STAU1: variants seen among roughly 807,000 people sequenced by gnomAD.
The protein encoded by STAU1 is double-stranded RNA-binding protein Staufen homolog 1.
A neutral mutation model predicts 62.9 loss-of-function variants in STAU1; 13 were observed. That is an observed-to-expected ratio of 0.21 (90% CI 0.13 to 0.33). The LOEUF (loss-of-function observed/expected upper bound fraction) is 0.33. Ranked by LOEUF, STAU1 falls within the 10% of genes least tolerant of loss-of-function variation. STAU1 has a pLI of 1.00. For synonymous variants in STAU1, 269 were observed against 265.1 expected, an observed-to-expected ratio of 1.01 and a Z score of -0.14; for missense variants, 571 against 712.1, an observed-to-expected ratio of 0.80 and a Z score of 2.25.
intron 2 of STAU1, among the ~76,000 whole-genome samples, chr20:49,172,164 A>C (rs893153857): frequency 1.3e-5 from 2 of 152,190 alleles, no homozygotes; most frequent in African/African-American, 4.8e-5. Flanking sequence ...CAAATGTAAC[A>C]GTTGGGAGGT....
chr20:49,160,321 A>C (rs934281729), intron 3 of STAU1, among the ~76,000 whole-genome samples: 1 of 152,214 alleles, frequency 6.6e-6, no homozygotes, highest in South Asian at 2.1e-4. Flanking sequence ...GATTTTATTC[A>C]AGGCTTGAGG....
intron 1 of STAU1, among the ~76,000 whole-genome samples, chr20:49,180,459 G>A (rs759587017): frequency 3.3e-5 from 5 of 152,120 alleles, no homozygotes; most frequent in Non-Finnish European, 7.3e-5. Context: ...GGGTAGCTGG[G>A]ATTACAGGCA....
intron 3 of STAU1, among the ~76,000 whole-genome samples, chr20:49,160,804 C>G (rs187154210): frequency 2.6e-5 from 4 of 152,274 alleles, no homozygotes; most frequent in African/African-American, 9.6e-5. Flanking sequence ...ATTGCATCTT[C>G]AAACCTTTTG....
At chr20:49,124,260 G>T in intron 7 of STAU1, 115 bp downstream of exon 7, 1 of 1,042,938 alleles carries the variant, frequency 9.6e-7, no homozygotes, top group Non-Finnish European at 1.4e-6. Flanking sequence ...GGCAGGCCTG[G>T]GGTGTGGCAC....
intron 1 of STAU1, among the ~76,000 whole-genome samples, chr20:49,183,280 C>T (rs1035268566): frequency 1.1e-4 from 16 of 152,200 alleles, no homozygotes; most frequent in African/African-American, 3.9e-4. Context: ...AACTCCAAAG[C>T]TCTTATTTGA....
Position 49,119,985 on chromosome 20 carries a change from C to A in STAU1, c.1110G>T (p.Glu370Asp). The A allele has an allele frequency of 6.2e-7, 1 of 1,613,930 alleles. No homozygotes were observed. Among genetic ancestry groups the A allele is most frequent in the Admixed American group, 1.7e-5 (1 of 60,006 alleles). ...TCAGAGAGCCCACAGCACTCACCTT[C>A]TCCTCTGACTTGAGTGCGGGTTTGG... ...QPTKPALKSE[E>D]KTPIKKPGDG... is the part of the protein sequence containing the mutation. The change falls in exon 9 of 14, where the codon GAG becomes GAT. Residue 370 changes from glutamate (E) to aspartate (D), a missense_variant. This residue lies in a region of STAU1 where 414 missense variants were observed against 499.6 expected (regional missense o/e 0.83). Coordinates refer to ENST00000371856, the MANE Select transcript of STAU1 (RefSeq NM_017453.4).
chr20:49,143,066 A>G (rs1455907899), intron 5 of STAU1, among the ~76,000 whole-genome samples: 1 of 152,064 alleles, frequency 6.6e-6, no homozygotes, highest in Non-Finnish European at 1.5e-5. Context: ...CTCCCAAAGT[A>G]CTGGAATTAT....
chr20:49,124,305 A>G, intron 7 of STAU1, 70 bp downstream of exon 7: 3 of 1,520,452 alleles, frequency 2.0e-6, no homozygotes, highest in Non-Finnish European at 2.7e-6. Flanking sequence ...GGGGACAGCG[A>G]CCAGCCTTCT....
At chr20:49,173,834 T>A (rs2093627098) in intron 2 of STAU1, among the ~76,000 whole-genome samples, 1 of 152,212 alleles carries the variant, frequency 6.6e-6, no homozygotes, top group Admixed American at 6.5e-5. Context: ...TCTATGAGTT[T>A]GAAAATCATG....
At chr20:49,151,451 T>C in intron 5 of STAU1, 131 bp downstream of exon 5, 1 of 931,484 alleles carries the variant, frequency 1.1e-6, no homozygotes, top group Non-Finnish European at 1.5e-6. Flanking sequence ...GCATAAAATC[T>C]TGGAGGCATT....
At chr20:49,184,165 A>G (rs1313763679) in intron 1 of STAU1, among the ~76,000 whole-genome samples, 1 of 152,108 alleles carries the variant, frequency 6.6e-6, no homozygotes, top group African/African-American at 2.4e-5. Context: ...TCCTGACCTC[A>G]GGTGATCTGC....
rs2093525538 is a variant in STAU1, at chr20:49,166,289, AAAGTTGTAAGGGAAAG to A, written c.-84-20_-84-5del. ...GCTATGAAGTCTAAAGTTCTACCTA[AAAGTTGTAAGGGAAAG>A]AAAATAAAAAGGTAAATTATAGAGG... On this transcript the variant is annotated splice_polypyrimidine_tract_variant and splice_region_variant and intron_variant, in intron 2 of 13. Coordinates refer to ENST00000371856, the MANE Select transcript of STAU1 (RefSeq NM_017453.4). The A allele has an allele frequency of 8.3e-7, 1 of 1,210,448 alleles. No individual in the cohort carries two copies. The highest frequency in any genetic ancestry group is 2.2e-5 in the Admixed American group (1 of 44,860). The allele number at this position is 1,210,448 out of a possible 1,614,324, so 75.0% of individuals were successfully genotyped here.
At chr20:49,156,151 C>A (rs925663948) in intron 3 of STAU1, among the ~76,000 whole-genome samples, 2 of 152,282 alleles carry the variant, frequency 1.3e-5, no homozygotes, top group East Asian at 3.9e-4. Context: ...TTCTGACCAA[C>A]AAAATTACAA....
At chr20:49,121,023 G>C (rs2092453502) in intron 8 of STAU1, among the ~76,000 whole-genome samples, 1 of 151,968 alleles carries the variant, frequency 6.6e-6, no homozygotes, top group Non-Finnish European at 1.5e-5. Flanking sequence ...TCGAACCCCT[G>C]ACCTCAAGTG....
At chr20:49,140,184 A>C (rs1461546336) in intron 5 of STAU1, among the ~76,000 whole-genome samples, 1 of 152,176 alleles carries the variant, frequency 6.6e-6, no homozygotes, top group African/African-American at 2.4e-5. Flanking sequence ...CTCAAAAAAA[A>C]AAAAAGTAAG....
intron 6 of STAU1, among the ~76,000 whole-genome samples, chr20:49,126,868 G>A (rs1164774559): frequency 6.6e-6 from 1 of 150,620 alleles, no homozygotes; most frequent in East Asian, 1.9e-4. Context: ...GAGCGGGGTG[G>A]GGGGAAGAAA....
chr20:49,163,521 G>A (rs1428023494), intron 3 of STAU1, among the ~76,000 whole-genome samples: 1 of 147,544 alleles, frequency 6.8e-6, no homozygotes, highest in Non-Finnish European at 1.5e-5. Context: ...TGCCTCCCAG[G>A]TTCAAGCGAT....
At chr20:49,167,563 T>G (rs758508370) in intron 2 of STAU1, among the ~76,000 whole-genome samples, 60 of 152,172 alleles carry the variant, frequency 3.9e-4, no homozygotes, top group Non-Finnish European at 7.3e-4. Flanking sequence ...TTGTTCCTTT[T>G]TACTTTCAGA....
chr20:49,167,068 C>T (rs533704363), intron 2 of STAU1, among the ~76,000 whole-genome samples: 2 of 152,242 alleles, frequency 1.3e-5, no homozygotes, highest in African/African-American at 4.8e-5. Flanking sequence ...AGCACTGGAG[C>T]TTGTTTACTT....
Sources: gnomAD v4.1 joint callset for allele counts (sites outside exome capture counted in the v4.1 genomes callset) on GRCh38, gnomAD v4.1.1 for gene constraint, gnomAD v4.1.1 regional missense constraint, MANE v1.5 for transcripts, NCBI Gene and HGNC (gene_info 2026-07-23, HGNC 2026-07-21) for gene names.